Variants in PHLPP1 observed in about 807,000 individuals in gnomAD.
PHLPP1 encodes PH domain and leucine rich repeat protein phosphatase 1.
A neutral mutation model predicts 117.2 loss-of-function variants in PHLPP1; 42 were observed. The ratio of observed to expected loss-of-function variants is 0.36; its 90% CI spans 0.28 to 0.46. The LOEUF is 0.46. PHLPP1 is among the 20% of genes least tolerant of loss of function. The pLI is 1.00. For synonymous variants in PHLPP1, 1,042 were observed against 970.7 expected, an observed-to-expected ratio of 1.07 and a Z score of -1.37; for missense variants, 2,084 against 2,241.9, an observed-to-expected ratio of 0.93 and a Z score of 1.42.
rs187416199 is a variant in PHLPP1 at position 62,767,874 on chromosome 18, G to T, written c.1576+50615G>T. 3.3e-5 allele frequency among the ~76,000 whole-genome samples: 5 copies of T among 152,300 alleles called. No homozygotes were observed. The East Asian group carries it at 9.6e-4, about 29-fold the overall frequency. ...TCAGTTCAGGGAGTGGCCCATTTCA[G>T]TGTGGCCCTCTTCATCCACAAAGTG... is the stretch of plus-strand genomic sequence containing the variant. On this transcript the variant is annotated intron_variant, in intron 1 of 16. Coordinates refer to ENST00000262719, the MANE Select transcript of PHLPP1 (RefSeq NM_194449.4).
rs763718348 is a variant in PHLPP1, at chr18:62,978,677, C to T, written c.4400C>T (p.Pro1467Leu). 7 of 1,613,766 alleles carry T rather than the reference C, an allele frequency of 4.3e-6. No individual in the cohort carries two copies. Among genetic ancestry groups the T allele is most frequent in the Admixed American group, 3.3e-5 (2 of 60,006 alleles). ...CGGCCCTCAGATGGGCTGGGCGTGC[C>T]GTCCTCCAGCAGCGGCATGGCTTCC... ...KDRPSDGLGV[P>L]SSSSGMASEI... Residue 1467 changes from proline to leucine, a missense_variant, in exon 17 of 17, where the codon CCG becomes CTG. Transcript: ENST00000262719. This position sits in a 1 kb window ranked among gnomAD's most constrained non-coding sequence, Gnocchi z 7.0.
intron 4 of PHLPP1, among the ~76,000 whole-genome samples, chr18:62,874,821 G>T (rs1828949849): frequency 6.6e-6 from 1 of 152,110 alleles, no homozygotes; most frequent in African/African-American, 2.4e-5. Context: ...GAGGAGAATG[G>T]GCAAACTTCA....
intron 1 of PHLPP1, among the ~76,000 whole-genome samples, chr18:62,728,128 C>G (rs1429402261): frequency 6.6e-6 from 1 of 151,944 alleles, no homozygotes; most frequent in African/African-American, 2.4e-5. Flanking sequence ...AACCTCGTCT[C>G]TACTAAAAAT....
intron 6 of PHLPP1, among the ~76,000 whole-genome samples, chr18:62,896,902 T>G (rs1329234542): frequency 1.3e-5 from 2 of 152,228 alleles, no homozygotes. Context: ...TAGGGAAGTA[T>G]TAGCAATTTG....
chr18:62,773,870 G>A (rs1912871332), intron 1 of PHLPP1, among the ~76,000 whole-genome samples: 1 of 152,168 alleles, frequency 6.6e-6, no homozygotes, highest in South Asian at 2.1e-4. Context: ...CCTTGTTGAT[G>A]GAGGCCTGTT....
chr18:62,931,068 G>A lies in PHLPP1; in HGVS notation c.2961-10650G>A, dbSNP rs138207986. 1.3e-3 allele frequency among the ~76,000 whole-genome samples: 203 copies of A among 152,004 alleles called. 1 individual carries two copies. Among genetic ancestry groups the A allele is most frequent in the African/African-American group, 4.7e-3 (194 of 41,480 alleles). On this transcript the variant is annotated intron_variant, in intron 10 of 16. Transcript: ENST00000262719. The stretch of plus-strand genomic sequence containing the variant: ...AAAAATTAGCCGGGAATGGTGGCAC[G>A]TGCCTGTAGTCCTAGCTACTTGGGA...
intron 8 of PHLPP1, among the ~76,000 whole-genome samples, chr18:62,913,502 C>A (rs1226564084): frequency 6.6e-6 from 1 of 152,094 alleles, no homozygotes; most frequent in East Asian, 1.9e-4. Context: ...GCTGTAATAT[C>A]TTATAATTCT....
chr18:62,966,712 G>A (rs1429604261), intron 14 of PHLPP1, among the ~76,000 whole-genome samples: 1 of 151,976 alleles, frequency 6.6e-6, no homozygotes, highest in African/African-American at 2.4e-5. Flanking sequence ...CTCATGATCC[G>A]CCCGCCTCGG....
At chr18:62,822,275 T>TG (rs1424776403) in intron 1 of PHLPP1, among the ~76,000 whole-genome samples, 17 of 137,292 alleles carry the variant, frequency 1.2e-4, no homozygotes, top group African/African-American at 4.1e-4. Flanking sequence ...GTTTTTTTTT[T>TG]TTTTGTTTTT....
intron 10 of PHLPP1, among the ~76,000 whole-genome samples, chr18:62,929,825 T>TA (rs1345094508): frequency 2.0e-5 from 3 of 152,086 alleles, no homozygotes; most frequent in African/African-American, 7.2e-5. Context: ...TACATACACT[T>TA]AGAGTCACAG....
At position 62,836,471 on chromosome 18, in the gene PHLPP1, AT is replaced by A. The variant is rs1568132851; in HGVS notation, c.1774-2312del. On this transcript the variant is annotated intron_variant, in intron 2 of 16. Coordinates refer to ENST00000262719, the MANE Select transcript of PHLPP1 (RefSeq NM_194449.4). ...AATAAATAAATAAATAAATAAATAA[AT>A]AAATAAATAAATAAAAATAAATTAC... 1.6e-3 allele frequency among the ~76,000 whole-genome samples: 231 copies of A among 148,514 alleles called. No homozygotes were observed. In the Middle Eastern group the frequency reaches 0.018, roughly 12 times the overall value.
chr18:62,731,855 C>G lies in PHLPP1; in HGVS notation c.1576+14596C>G, dbSNP rs190091749. ...TCTACATAGAAGATCAAACCAGGTA[C>G]AACATTCACTTAATCCAAACCCTAA... On this transcript the variant is annotated intron_variant, in intron 1 of 16. Transcript: ENST00000262719. Among the ~76,000 whole-genome samples, 121 of 152,296 alleles carry G rather than the reference C, an allele frequency of 7.9e-4. 1 individual carries two copies. Among genetic ancestry groups the G allele is most frequent in the African/African-American group, 2.9e-3 (121 of 41,556 alleles).
At chr18:62,750,610 C>G (rs1306973215) in intron 1 of PHLPP1, among the ~76,000 whole-genome samples, 2 of 151,910 alleles carry the variant, frequency 1.3e-5, no homozygotes, top group Non-Finnish European at 2.9e-5. Flanking sequence ...CATTTATTGC[C>G]CTTCTTTTCT....
At chr18:62,958,506 C>A in intron 12 of PHLPP1, 123 bp from the exon 13 acceptor site, 1 of 838,070 alleles carries the variant, frequency 1.2e-6, no homozygotes, top group Non-Finnish European at 1.8e-6. Context: ...TCCTTTTCCA[C>A]ATTTGTCTAG....
chr18:62,726,173 T>G (rs904049340), intron 1 of PHLPP1, among the ~76,000 whole-genome samples: 2 of 152,036 alleles, frequency 1.3e-5, no homozygotes, highest in Non-Finnish European at 2.9e-5. Flanking sequence ...TAGGATATGA[T>G]GAGAGGTAGT....
At chr18:62,879,367 A>G (rs1165308932) in intron 4 of PHLPP1, among the ~76,000 whole-genome samples, 2 of 151,180 alleles carry the variant, frequency 1.3e-5, no homozygotes, top group Non-Finnish European at 2.9e-5. Flanking sequence ...TGAGAAATCA[A>G]TTTTTTCTTT....
intron 10 of PHLPP1, 42 bp downstream of exon 10, chr18:62,920,156 T>G (rs1229223355): frequency 6.5e-7 from 1 of 1,547,674 alleles, no homozygotes; most frequent in African/African-American, 1.4e-5. Flanking sequence ...TCTATAAATA[T>G]TCCCTCATTT....
intron 1 of PHLPP1, among the ~76,000 whole-genome samples, chr18:62,761,877 G>A (rs893950822): frequency 4.6e-5 from 7 of 152,084 alleles, no homozygotes; most frequent in Non-Finnish European, 8.8e-5. Flanking sequence ...TCAAAGTGTT[G>A]GGATTATAGG....
chr18:62,916,605 G>GGTGGGTGTGTGTGTGTGTGTGT (rs1555681661), intron 9 of PHLPP1, among the ~76,000 whole-genome samples: 114 of 145,840 alleles, frequency 7.8e-4, no homozygotes, highest in African/African-American at 2.8e-3. Context: ...CAAGAGGGTG[G>GGTGGGTGTGTGTGTGTGTGTGT]GTGTGTGTGT....
Sources: gnomAD v4.1 joint callset for allele counts (sites outside exome capture counted in the v4.1 genomes callset) on GRCh38, gnomAD v4.1.1 for gene constraint, Gnocchi (gnomAD v3.1) non-coding constraint, MANE v1.5 for transcripts, NCBI Gene and HGNC (gene_info 2026-07-23, HGNC 2026-07-21) for gene names.